The following AGK variants were observed in gnomAD, a reference collection of about 807,000 sequenced individuals.
The protein encoded by AGK is acylglycerol kinase, also known as acylglycerol kinase, mitochondrial.
AGK carries 52 observed loss-of-function variants against 66.4 expected under a neutral mutation model. That is an observed-to-expected ratio of 0.78 (90% CI 0.63 to 0.99). The LOEUF (loss-of-function observed/expected upper bound fraction) is 0.99, where lower values mean the gene tolerates loss of function less well. AGK is among the 50% of genes least tolerant of loss of function. The pLI is 0.00. For synonymous variants in AGK, 182 were observed against 181.1 expected (o/e 1.00, Z -0.04); for missense variants, 451 against 506.6 (o/e 0.89, Z 1.05).
At chr7:141,641,217 T>A (rs748989173) in intron 11 of AGK, 31 bp from the exon 12 acceptor site, 2 of 1,594,066 alleles carry the variant, frequency 1.3e-6, no homozygotes, top group African/African-American at 1.4e-5. Context: ...TGTACATGCA[T>A]AACAAAATTT....
At chr7:141,613,761 ACT>A (rs377720294) in intron 6 of AGK, among the ~76,000 whole-genome samples, 5 of 152,174 alleles carry the variant, frequency 3.3e-5, no homozygotes, top group Non-Finnish European at 5.9e-5. Context: ...TTAAGTGCAC[ACT>A]CTCTGAGTGT....
At position 141,601,255 on chromosome 7, in the gene AGK, C is replaced by G. The variant is rs750865151; in HGVS notation, c.272C>G (p.Ser91Cys). ...EKNAAPILHL[S>C]GMDVTIVKTD... Reference sequence around the variant, plus strand: ...AATGCTGCCCCGATTTTACATTTATCTGGCATGGATGTGACTATTGTTAAG... The same window carrying G: ...AATGCTGCCCCGATTTTACATTTATGTGGCATGGATGTGACTATTGTTAAG... Residue 91 changes from serine (S) to cysteine (C), a missense_variant, in exon 5 of 16, where the codon TCT (serine) becomes TGT (cysteine). Physicochemically the swap from Ser to Cys is moderately radical, Grantham distance 112. Transcript: ENST00000649286. The G allele has an allele frequency of 6.2e-7, 1 of 1,612,850 alleles. No homozygotes were observed. Among genetic ancestry groups the G allele is most frequent in the East Asian group, 2.2e-5 (1 of 44,832 alleles).
chr7:141,616,436 A>G (rs1190494869), intron 8 of AGK: 3 of 152,210 alleles, frequency 2.0e-5, no homozygotes, highest in East Asian at 3.9e-4. Context: ...ATAATACCCA[A>G]GTGATTTTCT....
At chr7:141,645,164 T>C (rs1312518633) in intron 13 of AGK, among the ~76,000 whole-genome samples, 2 of 152,134 alleles carry the variant, frequency 1.3e-5, no homozygotes, top group African/African-American at 4.8e-5. Context: ...TTCTACAATA[T>C]TGACTCCTCT....
In AGK at chr7:141,615,467, C is replaced by A. The variant is rs113085050; in HGVS notation, c.424-4C>A. On this transcript the variant is annotated splice_polypyrimidine_tract_variant and splice_region_variant and intron_variant, in intron 7 of 15. Coordinates refer to ENST00000649286, the MANE Select transcript of AGK (RefSeq NM_018238.4). ...TAAAACTTTCCTCTTCTTTCCCCCC[C>A]CAGGCTACCTTCAGTAAGATTCCCA... 1.3e-4 allele frequency: 209 copies of A among 1,612,594 alleles called. No homozygotes were observed. In the African/African-American group the frequency reaches 2.1e-3, roughly 16 times the overall value.
At chr7:141,647,150 G>A (rs761532699) in intron 13 of AGK, among the ~76,000 whole-genome samples, 8 of 143,082 alleles carry the variant, frequency 5.6e-5, no homozygotes, top group Non-Finnish European at 9.1e-5. Flanking sequence ...ACCCTGGGCC[G>A]TTCTTACACA....
At chr7:141,631,825 A>C (rs1289715386) in intron 9 of AGK, among the ~76,000 whole-genome samples, 2 of 152,204 alleles carry the variant, frequency 1.3e-5, no homozygotes, top group East Asian at 3.8e-4. Flanking sequence ...CTTCAAGGCC[A>C]AACACAGTCC....
At chr7:141,605,018 A>G (rs1026250238) in intron 5 of AGK, among the ~76,000 whole-genome samples, 2 of 150,104 alleles carry the variant, frequency 1.3e-5, no homozygotes, top group African/African-American at 2.5e-5. Context: ...CTGTTTTGTT[A>G]TAATTAGATT....
chr7:141,591,149 A>G (rs553036979), intron 2 of AGK, among the ~76,000 whole-genome samples: 91 of 127,154 alleles, frequency 7.2e-4, no homozygotes, highest in Non-Finnish European at 1.1e-3. Context: ...CTGGAGCGCA[A>G]TGGCGTGATC....
At chr7:141,573,874 G>A (rs532691740) in intron 2 of AGK, among the ~76,000 whole-genome samples, 5 of 152,170 alleles carry the variant, frequency 3.3e-5, no homozygotes, top group African/African-American at 1.2e-4. Flanking sequence ...TGTGCACAAT[G>A]TGCAGGTTAG....
At chr7:141,577,436 G>T (rs761137402) in intron 2 of AGK, among the ~76,000 whole-genome samples, 3 of 152,206 alleles carry the variant, frequency 2.0e-5, no homozygotes, top group Non-Finnish European at 4.4e-5. Flanking sequence ...TCTGTAGTAG[G>T]ACTTTTCCTA....
At chr7:141,605,127 T>C (rs1404965097) in intron 5 of AGK, among the ~76,000 whole-genome samples, 1 of 152,186 alleles carries the variant, frequency 6.6e-6, no homozygotes, top group Non-Finnish European at 1.5e-5. Context: ...ATTAAATTTT[T>C]AGCTTGAGAT....
intron 9 of AGK, among the ~76,000 whole-genome samples, chr7:141,629,305 G>T (rs193059057): frequency 5.3e-5 from 8 of 152,084 alleles, no homozygotes; most frequent in South Asian, 2.1e-4. Context: ...TTTCTCCCAG[G>T]GATTTACTGT....
At chr7:141,604,401 T>TATAC (rs1554400844) in intron 5 of AGK, among the ~76,000 whole-genome samples, 4 of 143,466 alleles carry the variant, frequency 2.8e-5, no homozygotes, top group African/African-American at 1.0e-4. Flanking sequence ...TATATATATA[T>TATAC]ATACACATAC....
intron 2 of AGK, among the ~76,000 whole-genome samples, chr7:141,580,046 C>T (rs1020233697): frequency 2.6e-5 from 4 of 151,882 alleles, no homozygotes; most frequent in Admixed American, 6.5e-5. Context: ...CAGCTTCCTT[C>T]GGAAGTAAAG....
At chr7:141,644,052 T>C (rs149171137) in intron 13 of AGK, among the ~76,000 whole-genome samples, 256 of 151,018 alleles carry the variant, frequency 1.7e-3, no homozygotes, top group African/African-American at 5.7e-3. Context: ...TTTTACATAA[T>C]GGAAATCTGA....
intron 9 of AGK, among the ~76,000 whole-genome samples, chr7:141,627,624 G>A (rs1474713723): frequency 6.6e-6 from 1 of 152,154 alleles, no homozygotes; most frequent in Non-Finnish European, 1.5e-5. Context: ...CATGATAAAA[G>A]TGATTTAAAT....
intron 2 of AGK, among the ~76,000 whole-genome samples, chr7:141,563,927 A>G (rs1795405189): frequency 6.6e-6 from 1 of 151,978 alleles, no homozygotes; most frequent in Non-Finnish European, 1.5e-5. Flanking sequence ...TTAAGCTCTC[A>G]TTTCCTCTCG....
chr7:141,613,393 C>T lies in AGK; in HGVS notation c.391-753C>T, dbSNP rs187358081. ...CAGCACTTTGGGAGGCCAAGGTGGG[C>T]GGATCACCTGAGGTCCAGAGTTTGA... is the stretch of plus-strand genomic sequence containing the variant. On this transcript the variant is annotated intron_variant, in intron 6 of 15. Transcript: ENST00000649286. Among the ~76,000 whole-genome samples the T allele has an allele frequency of 2.0e-3, 298 of 152,180 alleles. 1 individual carries two copies. The highest frequency in any genetic ancestry group is 3.0e-3 in the Non-Finnish European group (205 of 67,996).
Sources: gnomAD v4.1 joint callset for allele counts (sites outside exome capture counted in the v4.1 genomes callset) on GRCh38, gnomAD v4.1.1 for gene constraint, MANE v1.5 for transcripts, NCBI Gene and HGNC (gene_info 2026-07-23, HGNC 2026-07-21) for gene names.